SEM1: variants seen among roughly 807,000 people sequenced by gnomAD.
The protein encoded by SEM1 is 26S proteasome complex subunit SEM1.
Under a neutral mutation model 12.7 loss-of-function variants are expected in SEM1, and 3 were observed. The ratio of observed to expected loss-of-function variants is 0.24; its 90% confidence interval spans 0.11 to 0.61. The LOEUF is 0.61. Among genes scored for constraint, SEM1 ranks in the 20% least tolerant of loss-of-function variants. The pLI is 0.88. For synonymous variants in SEM1, 30 were observed against 27.8 expected (o/e 1.08, Z -0.25); for missense variants, 59 against 81.3 (o/e 0.73, Z 1.06).
At chr7:96,483,837 C>T (rs889824347) in exon 4 of SEM1, 1 of 1,536,402 alleles carries the variant, frequency 6.5e-7, no homozygotes, top group Non-Finnish European at 8.7e-7. Context: ...ACCAGACTTC[C>T]ATCTCTGCTA....
intron 2 of SEM1, among the ~76,000 whole-genome samples, chr7:96,513,631 C>T (rs1279240733): frequency 6.6e-6 from 1 of 151,982 alleles, no homozygotes; most frequent in Non-Finnish European, 1.5e-5. Context: ...GAGTTCCAGA[C>T]TAGCGTGGCC....
At chr7:96,653,478 C>T (rs552603914) in intron 2 of SEM1, among the ~76,000 whole-genome samples, 1 of 152,192 alleles carries the variant, frequency 6.6e-6, no homozygotes, top group East Asian at 1.9e-4. Context: ...AAGGTGATTT[C>T]AGCTAAGGGT....
At chr7:96,496,139 G>A in intron 1 of SEM1, 1 of 510,014 alleles carries the variant, frequency 2.0e-6, no homozygotes, top group South Asian at 3.6e-5. Context: ...AATACCCAGA[G>A]CTCGATTTGA....
At chr7:96,608,751 C>T (rs371504072) in intron 2 of SEM1, among the ~76,000 whole-genome samples, 73 of 152,330 alleles carry the variant, frequency 4.8e-4, no homozygotes, top group African/African-American at 1.7e-3. Flanking sequence ...ATGTACAATA[C>T]TTCCCTCCTC....
intron 2 of SEM1, among the ~76,000 whole-genome samples, chr7:96,526,540 C>G (rs10272474): frequency 1.3e-5 from 2 of 152,262 alleles, no homozygotes; most frequent in South Asian, 4.1e-4. Context: ...CTTCCTTTGA[C>G]TCAGACCAGG....
At chr7:96,575,008 G>A (rs2116011384) in intron 2 of SEM1, among the ~76,000 whole-genome samples, 1 of 152,208 alleles carries the variant, frequency 6.6e-6, no homozygotes, top group South Asian at 2.1e-4. Context: ...TTCCCTTGCT[G>A]GCGAGGACTT....
chr7:96,635,632 T>C (rs1808405646), intron 2 of SEM1, among the ~76,000 whole-genome samples: 1 of 151,722 alleles, frequency 6.6e-6, no homozygotes, highest in African/African-American at 2.4e-5. Flanking sequence ...TGAAGCAATA[T>C]ACAAACAAAA....
intron 2 of SEM1, among the ~76,000 whole-genome samples, chr7:96,605,827 C>T (rs1290409466): frequency 1.3e-5 from 2 of 152,114 alleles, no homozygotes; most frequent in African/African-American, 2.4e-5. Context: ...TATAGAAATA[C>T]ACAATTCATA....
intron 2 of SEM1, among the ~76,000 whole-genome samples, chr7:96,567,416 G>T (rs1268631765): frequency 6.6e-6 from 1 of 151,382 alleles, no homozygotes; most frequent in Non-Finnish European, 1.5e-5. Flanking sequence ...TTATTTTATT[G>T]TTTGTGGTGT....
At chr7:96,622,544 C>T, downstream of SEM1, 8 of 755,060 alleles carry the variant, frequency 1.1e-5, no homozygotes, top group Non-Finnish European at 1.9e-5. Context: ...GGGCTTGGTA[C>T]CTTTGCCTTC....
intron 2 of SEM1, among the ~76,000 whole-genome samples, chr7:96,674,830 A>G (rs1789411212): frequency 9.0e-6 from 1 of 111,202 alleles, no homozygotes; most frequent in Non-Finnish European, 1.7e-5. Context: ...GAAAAATCAC[A>G]TCTAAGAGAA....
At chr7:96,669,412 A>G (rs1483294343), downstream of SEM1, among the ~76,000 whole-genome samples, 3 of 152,190 alleles carry the variant, frequency 2.0e-5, no homozygotes, top group Non-Finnish European at 4.4e-5. Flanking sequence ...AACTTTATTT[A>G]TAGACACTGA....
chr7:96,550,833 G>C (rs1805247043), intron 2 of SEM1, among the ~76,000 whole-genome samples: 1 of 152,018 alleles, frequency 6.6e-6, no homozygotes. Flanking sequence ...AAGAATGATT[G>C]GCCTATGCGA....
chr7:96,699,920 T>G (rs1003146771), intron 1 of SEM1, among the ~76,000 whole-genome samples: 13 of 131,422 alleles, frequency 9.9e-5, no homozygotes, highest in Non-Finnish European at 1.6e-4. Context: ...CTGATTCTTC[T>G]CTCCCTTAAC....
intron 3 of SEM1, chr7:96,503,501 G>A (rs748861869): frequency 3.9e-5 from 6 of 152,056 alleles, no homozygotes; most frequent in African/African-American, 1.2e-4. Flanking sequence ...TTTTCATCTC[G>A]GAGACTGCAT....
At chr7:96,643,357 T>A (rs924310902) in intron 2 of SEM1, among the ~76,000 whole-genome samples, 6 of 151,860 alleles carry the variant, frequency 4.0e-5, no homozygotes, top group Non-Finnish European at 8.8e-5. Context: ...TTATTTTTAA[T>A]TTTTTATTAT....
intron 2 of SEM1, among the ~76,000 whole-genome samples, chr7:96,548,733 C>T (rs78729035): frequency 2.6e-5 from 4 of 152,108 alleles, no homozygotes; most frequent in African/African-American, 7.2e-5. Flanking sequence ...GTACTTTCCC[C>T]GTTTTGCCCA....
chr7:96,588,004 G>C (rs140585124), intron 2 of SEM1, among the ~76,000 whole-genome samples: 1 of 152,154 alleles, frequency 6.6e-6, no homozygotes, highest in East Asian at 1.9e-4. Context: ...ATATGTTATA[G>C]GCCCATTGTT....
chr7:96,694,790 A>T lies in SEM1; in HGVS notation c.170+8T>A, dbSNP rs369373559. On this transcript the variant is annotated splice_region_variant and intron_variant, in intron 2 of 2. Coordinates refer to ENST00000248566, the MANE Select transcript of SEM1 (RefSeq NM_006304.2). ...TGAACTACAATAAAAATCTGGCTTA[A>T]AACTTACCGTAACTGATTAGAGAAG... is the stretch of plus-strand genomic sequence containing the variant. 2 of 1,584,916 alleles carry T rather than the reference A, an allele frequency of 1.3e-6. No homozygotes were observed. Among genetic ancestry groups the T allele is most frequent in the African/African-American group, 2.7e-5 (2 of 74,336 alleles).
Sources: gnomAD v4.1 joint callset for allele counts (sites outside exome capture counted in the v4.1 genomes callset) on GRCh38, gnomAD v4.1.1 for gene constraint, MANE v1.5 for transcripts, NCBI Gene and HGNC (gene_info 2026-07-23, HGNC 2026-07-21) for gene names.